The following STRN variants were observed in gnomAD, a reference collection of about 807,000 sequenced individuals.
The protein encoded by STRN is protein phosphatase 2 regulatory subunit B'''alpha.
In STRN, 53 loss-of-function variants were observed where a neutral mutation model predicts 96.3. The observed-to-expected ratio is 0.55, with a 90% confidence interval of 0.44 to 0.69. STRN has a LOEUF of 0.69. Among genes scored for constraint, STRN ranks in the 30% least tolerant of loss-of-function variants. The probability of loss-of-function intolerance (pLI) is 0.00; values close to 1 mark genes in which losing one functional copy is unlikely to be tolerated. For synonymous variants in STRN, 428 were observed against 355.9 expected (o/e 1.20, Z -2.28); for missense variants, 987 against 963.9 (o/e 1.02, Z -0.32).
At chr2:36,860,883 G>A (rs1009234665) in intron 13 of STRN, among the ~76,000 whole-genome samples, 2 of 152,184 alleles carry the variant, frequency 1.3e-5, no homozygotes, top group African/African-American at 4.8e-5. Context: ...AGTCAAGCCT[G>A]TATTTCCAAT....
At position 36,844,203 on chromosome 2, in the gene STRN, G is replaced by T. The variant is rs143520033; in HGVS notation, c.*5253C>A. 3.9e-4 allele frequency: 59 copies of T among 152,122 alleles called. No individual in the cohort carries two copies. The highest frequency in any genetic ancestry group is 1.4e-3 in the African/African-American group (57 of 41,518). The allele number at this position is 152,122 out of a possible 1,614,324, so 9.4% of individuals were successfully genotyped here. A position where few individuals can be genotyped will look rare whatever the true frequency, so the allele number is the denominator to read the frequency against. ...TAGGGGATACCTATTAATCTGGGCT[G>T]GAAAAAAAGTGTGTGGAGAAGGGGA... On this transcript the variant is annotated 3_prime_UTR_variant, in exon 18 of 18. Transcript: ENST00000263918.
intron 1 of STRN, among the ~76,000 whole-genome samples, chr2:36,932,929 G>T (rs1670610342): frequency 6.6e-6 from 1 of 152,110 alleles, no homozygotes; most frequent in African/African-American, 2.4e-5. Context: ...GGTTTCTTGA[G>T]ATCCCAAAGG....
At chr2:36,853,417 A>G (rs1287836165) in intron 15 of STRN, among the ~76,000 whole-genome samples, 1 of 152,258 alleles carries the variant, frequency 6.6e-6, no homozygotes, top group Non-Finnish European at 1.5e-5. Flanking sequence ...GAATAGCCTC[A>G]ATTGCTTTGA....
intron 3 of STRN, among the ~76,000 whole-genome samples, chr2:36,912,890 T>C (rs976295554): frequency 3.3e-5 from 5 of 152,222 alleles, no homozygotes; most frequent in Non-Finnish European, 7.3e-5. Context: ...TTCTGACTCA[T>C]CCTTTTTTCA....
At chr2:36,915,634 G>A (rs543242780) in intron 3 of STRN, among the ~76,000 whole-genome samples, 1 of 152,306 alleles carries the variant, frequency 6.6e-6, no homozygotes, top group African/African-American at 2.4e-5. Context: ...TTTTCCACCT[G>A]AAACCGAAGA....
rs931759997 is a variant in STRN at position 36,840,867 on chromosome 2, G to A, written c.*8589C>T. 6.6e-6 allele frequency: 1 copy of A among 152,040 alleles called. No individual in the cohort carries two copies. The highest frequency in any genetic ancestry group is 1.5e-5 in the Non-Finnish European group (1 of 67,990). The allele number at this position is 152,040 out of a possible 1,614,324, so 9.4% of individuals were successfully genotyped here. A position where few individuals can be genotyped will look rare whatever the true frequency, so the allele number is the denominator to read the frequency against. On this transcript the variant is annotated 3_prime_UTR_variant, in exon 18 of 18. Coordinates refer to ENST00000263918, the MANE Select transcript of STRN (RefSeq NM_003162.4). Reference sequence around the variant, plus strand: ...CTCCTCATGCCTCAAAAAAAATCCAGAAGATTTTGAAATGCAGGAGATAAA... The same window carrying A: ...CTCCTCATGCCTCAAAAAAAATCCAAAAGATTTTGAAATGCAGGAGATAAA...
At chr2:36,855,859 T>A (rs1295945135) in intron 14 of STRN, among the ~76,000 whole-genome samples, 1 of 152,154 alleles carries the variant, frequency 6.6e-6, no homozygotes, top group Non-Finnish European at 1.5e-5. Flanking sequence ...AGCTCAAGAA[T>A]ACAGAAGGTA....
chr2:36,899,947 T>C (rs1357956284), intron 5 of STRN, among the ~76,000 whole-genome samples: 5 of 152,174 alleles, frequency 3.3e-5, no homozygotes, highest in African/African-American at 1.2e-4. Context: ...TAGAGTGCAG[T>C]AGCATGATCT....
chr2:36,954,098 C>T (rs1437530275), intron 1 of STRN, among the ~76,000 whole-genome samples: 1 of 152,064 alleles, frequency 6.6e-6, no homozygotes, highest in East Asian at 1.9e-4. Context: ...AAAATCAAAT[C>T]AAAGTGCTTG....
intron 6 of STRN, among the ~76,000 whole-genome samples, chr2:36,897,443 A>ATT (rs1472155419): frequency 6.7e-6 from 1 of 149,634 alleles, no homozygotes; most frequent in South Asian, 2.1e-4. Context: ...AAATATATAT[A>ATT]TATTTTTTTT....
intron 13 of STRN, among the ~76,000 whole-genome samples, chr2:36,859,742 T>C (rs150972408): frequency 1.7e-4 from 26 of 152,234 alleles, no homozygotes; most frequent in Non-Finnish European, 2.8e-4. Flanking sequence ...GAACAGAAAT[T>C]GTCACAAAGG....
At position 36,941,410 on chromosome 2, in the gene STRN, G is replaced by A. The variant is rs551676491; in HGVS notation, c.235-16202C>T. On this transcript the variant is annotated intron_variant, in intron 1 of 17. Coordinates refer to ENST00000263918, the MANE Select transcript of STRN (RefSeq NM_003162.4). ...GCTCTCCACCCCATAAAAAAGTAATGTTCAAAGCTGTTAAATGACATGCTC... is the reference window on the plus strand; with the variant it reads ...GCTCTCCACCCCATAAAAAAGTAATATTCAAAGCTGTTAAATGACATGCTC... Among the ~76,000 whole-genome samples, 16 of 152,122 alleles carry A rather than the reference G, an allele frequency of 1.1e-4. No individual in the cohort carries two copies. In the South Asian group the frequency reaches 3.1e-3, roughly 30 times the overall value.
At chr2:36,937,646 C>T (rs1220858027) in intron 1 of STRN, among the ~76,000 whole-genome samples, 1 of 149,986 alleles carries the variant, frequency 6.7e-6, no homozygotes, top group Non-Finnish European at 1.5e-5. Context: ...TGCACTTCAA[C>T]CTGGGCTACA....
chr2:36,907,617 T>C (rs145730037), intron 3 of STRN, among the ~76,000 whole-genome samples: 136 of 152,346 alleles, frequency 8.9e-4, no homozygotes, highest in African/African-American at 3.1e-3. Context: ...ATCTCTTTTA[T>C]TCCTTACAAC....
intron 6 of STRN, among the ~76,000 whole-genome samples, chr2:36,895,783 G>T (rs1669525611): frequency 6.7e-6 from 1 of 150,202 alleles, no homozygotes; most frequent in East Asian, 2.0e-4. Flanking sequence ...AATTAGCGAG[G>T]CATGGTGGTG....
chr2:36,852,644 C>T (rs1248276370), intron 15 of STRN, among the ~76,000 whole-genome samples: 1 of 151,992 alleles, frequency 6.6e-6, no homozygotes, highest in Non-Finnish European at 1.5e-5. Flanking sequence ...ATTTTTGTAC[C>T]TTTTCTGCAA....
chr2:36,954,515 CAG>C (rs1491329819), intron 1 of STRN, among the ~76,000 whole-genome samples: 3 of 104,832 alleles, frequency 2.9e-5, no homozygotes, highest in African/African-American at 7.7e-5. Flanking sequence ...CTGTCTCAAA[CAG>C]GGGAAAAAAA....
chr2:36,870,694 G>A (rs1668740654), intron 10 of STRN, among the ~76,000 whole-genome samples: 1 of 152,170 alleles, frequency 6.6e-6, no homozygotes, highest in Non-Finnish European at 1.5e-5. Flanking sequence ...ACTGGATAAT[G>A]ATGATAAACT....
At chr2:36,916,043 T>C (rs758112236) in intron 3 of STRN, 35 bp downstream of exon 3, 1 of 1,567,112 alleles carries the variant, frequency 6.4e-7, no homozygotes, top group Non-Finnish European at 8.8e-7. Context: ...ATTAACTTCT[T>C]TTTAACACTT....
Sources: gnomAD v4.1 joint callset for allele counts (sites outside exome capture counted in the v4.1 genomes callset) on GRCh38, gnomAD v4.1.1 for gene constraint, MANE v1.5 for transcripts, NCBI Gene and HGNC (gene_info 2026-07-23, HGNC 2026-07-21) for gene names.